GNRHR: variants seen among roughly 807,000 people sequenced by gnomAD.
GNRHR encodes the protein gonadotropin releasing hormone receptor, also known as gonadotropin-releasing hormone receptor.
In GNRHR, 14 loss-of-function variants were observed where a neutral mutation model predicts 28.1. The observed-to-expected ratio is 0.50, with a 90% CI of 0.33 to 0.78. GNRHR has a LOEUF of 0.78. GNRHR is among the 30% of genes least tolerant of loss of function. The pLI is 0.02. For missense variants in GNRHR, 366 were observed against 382.1 expected (o/e 0.96, Z 0.35); for synonymous variants, 141 against 140.5 (o/e 1.00, Z -0.02).
chr4:67,740,856 T>C lies in GNRHR; in HGVS notation c.743-132A>G, dbSNP rs559469594. ...AAATTTCCATTATTTTAAATAATAA[T>C]AATTTGTTTGAAAAGCATGTTTTAA... On this transcript the variant is annotated intron_variant, in intron 2 of 2. Transcript: ENST00000226413. The C allele has an allele frequency of 2.9e-3, 2,060 of 698,768 alleles. 9 individuals are homozygous for C. Among genetic ancestry groups the C allele is most frequent in the Non-Finnish European group, 4.3e-3 (1,716 of 397,212 alleles). The allele number at this position is 698,768 out of a possible 1,614,324, so 43.3% of individuals were successfully genotyped here. A position where few individuals can be genotyped will look rare whatever the true frequency, so the allele number is the denominator to read the frequency against.
intron 2 of GNRHR, among the ~76,000 whole-genome samples, chr4:67,744,115 C>G (rs1264679080): frequency 6.6e-6 from 1 of 152,102 alleles, no homozygotes; most frequent in Non-Finnish European, 1.5e-5. Context: ...CAATATTTCG[C>G]ATATTAACAT....
At chr4:67,748,192 A>G (rs12513347) in intron 1 of GNRHR, among the ~76,000 whole-genome samples, 4,303 of 152,082 alleles carry the variant, frequency 0.028, 106 homozygotes, top group East Asian at 0.1. Context: ...TATCTTTAAC[A>G]CTCACCTTAC....
chr4:67,737,226 C>T lies in GNRHR; in HGVS notation c.*3254G>A, dbSNP rs576683532. Reference sequence around the variant, plus strand: ...CACAAGGAAGAAATTTTTAAGAAATCATGCAGATAACTATATTAACAGTTT... The same window carrying T: ...CACAAGGAAGAAATTTTTAAGAAATTATGCAGATAACTATATTAACAGTTT... On this transcript the variant is annotated 3_prime_UTR_variant, in exon 3 of 3. Coordinates refer to ENST00000226413, the MANE Select transcript of GNRHR (RefSeq NM_000406.3). Among the ~76,000 whole-genome samples the T allele has an allele frequency of 6.6e-6, 1 of 152,086 alleles. No individual in the cohort carries two copies. The highest frequency in any genetic ancestry group is 1.5e-5 in the Non-Finnish European group (1 of 67,902).
rs1038426 is a variant in GNRHR at position 67,737,817 on chromosome 4, C to A, written c.*2663G>T. On this transcript the variant is annotated 3_prime_UTR_variant, in exon 3 of 3. Coordinates refer to ENST00000226413, the MANE Select transcript of GNRHR (RefSeq NM_000406.3). ...GGAAGAGAAACCAAGATAGAATCTC[C>A]AATATCTGATATATTAGATTGACTC... 0.39 allele frequency among the ~76,000 whole-genome samples: 58,386 copies of A among 151,446 alleles called. 11,360 individuals carry two copies. The highest frequency in any genetic ancestry group is 0.52 in the Middle Eastern group (147 of 282).
At chr4:67,746,713 C>T (rs1316060328) in intron 1 of GNRHR, among the ~76,000 whole-genome samples, 1 of 151,518 alleles carries the variant, frequency 6.6e-6, no homozygotes, top group South Asian at 2.1e-4. Context: ...CAACAAAAAA[C>T]ACTATTAAAT....
intron 1 of GNRHR, among the ~76,000 whole-genome samples, chr4:67,745,388 G>C (rs1034800593): frequency 2.0e-5 from 3 of 151,792 alleles, no homozygotes. Context: ...AAAAGAAACT[G>C]ATCTAAAAGA....
At chr4:67,748,726 AAAATAAAT>A (rs1553913887) in intron 1 of GNRHR, among the ~76,000 whole-genome samples, 27 of 147,946 alleles carry the variant, frequency 1.8e-4, no homozygotes, top group Non-Finnish European at 3.6e-4. Flanking sequence ...TAATAATAAT[AAAATAAAT>A]AAATAAATAA....
chr4:67,740,464 T>C lies in GNRHR; in HGVS notation c.*16A>G. The C allele has an allele frequency of 6.3e-7, 1 of 1,578,608 alleles. No homozygotes were observed. Among genetic ancestry groups the C allele is most frequent in the Non-Finnish European group, 8.7e-7 (1 of 1,147,916 alleles). On this transcript the variant is annotated 3_prime_UTR_variant, in exon 3 of 3. Transcript: ENST00000226413. ...ACCTTACCCTTCTTCATATGACTTC[T>C]TGTGTAGTCTATCAATCACAGAGAA...
Position 67,744,692 on chromosome 4 carries a change from C to T in GNRHR, c.618G>A (p.Trp206Ter), listed in dbSNP as rs1731724104. ...TGAAAAAGTTATAAAATGCTTGATG[C>T]CACCATTGTGAAAAACTGCAGTGTG... The part of the protein sequence containing the change: ...CVTHCSFSQW[W>*]HQAFYNFFTF... The change falls in exon 2 of 3, where the codon TGG becomes TGA. Residue 206 changes from tryptophan to a stop codon, truncating the protein, a stop_gained. Coordinates refer to ENST00000226413, the MANE Select transcript of GNRHR (RefSeq NM_000406.3). LOFTEE classifies it high-confidence loss of function. 1.2e-6 allele frequency: 2 copies of T among 1,611,222 alleles called. No individual in the cohort carries two copies. The highest frequency in any genetic ancestry group is 4.5e-5 in the East Asian group (2 of 44,856).
At chr4:67,751,572 T>A (rs1324685216) in intron 1 of GNRHR, 3 of 152,230 alleles carry the variant, frequency 2.0e-5, no homozygotes. Context: ...AGTTCCTATT[T>A]TCTTTTTGCT....
At chr4:67,743,208 T>C (rs1209952453) in intron 2 of GNRHR, among the ~76,000 whole-genome samples, 2 of 152,168 alleles carry the variant, frequency 1.3e-5, no homozygotes, top group Non-Finnish European at 2.9e-5. Flanking sequence ...TGCTTCGGCC[T>C]CCCAAAGTGC....
At chr4:67,750,647 C>CA (rs1731849041) in intron 1 of GNRHR, among the ~76,000 whole-genome samples, 1 of 151,192 alleles carries the variant, frequency 6.6e-6, no homozygotes, top group Non-Finnish European at 1.5e-5. Flanking sequence ...TGAGCTGAGG[C>CA]AAAATGTCAT....
At chr4:67,745,095 T>C (rs539720864) in intron 1 of GNRHR, among the ~76,000 whole-genome samples, 1 of 152,300 alleles carries the variant, frequency 6.6e-6, no homozygotes, top group South Asian at 2.1e-4. Context: ...GAGTAAACTT[T>C]TTGCAAGTGA....
In GNRHR at chr4:67,740,664, A is replaced by G. The variant is rs373245608; in HGVS notation, c.803T>C (p.Met268Thr). ...AAATGAAGTGGCAAATGCAACCGTC[A>G]TTTTTAGAGTCTTCAGCCGTGCTCT... The part of the protein sequence containing the change: ...IPRARLKTLK[M>T]TVAFATSFTV... Residue 268 changes from methionine to threonine, a missense_variant, in exon 3 of 3, where the codon ATG (methionine) becomes ACG (threonine). Transcript: ENST00000226413. 1.0e-5 allele frequency: 16 copies of G among 1,606,048 alleles called. No homozygotes were observed. The African/African-American group carries it at 1.2e-4, about 12-fold the overall frequency.
Position 67,740,562 on chromosome 4 carries a change from T to G in GNRHR, c.905A>C (p.Asp302Ala), listed in dbSNP as rs1311724592. The G allele has an allele frequency of 6.2e-7, 1 of 1,608,282 alleles. No homozygotes were observed. Among genetic ancestry groups the G allele is most frequent in the Non-Finnish European group, 8.5e-7 (1 of 1,174,806 alleles). The part of the protein sequence containing the change: ...FDPEMLNRLS[D>A]PVNHFFFLFA... ...GAGAAAGAAGAAGTGATTTACTGGGTCTGACAACCTGTTTAACATTTCAGG... is the reference window on the plus strand; with the variant it reads ...GAGAAAGAAGAAGTGATTTACTGGGGCTGACAACCTGTTTAACATTTCAGG... The change falls in exon 3 of 3, where the codon GAC (aspartate) becomes GCC (alanine). Residue 302 changes from aspartate (D) to alanine (A), a missense_variant. Asp to Ala is a moderately radical substitution (Grantham distance 126, BLOSUM62 -2). Transcript: ENST00000226413.
intron 1 of GNRHR, among the ~76,000 whole-genome samples, chr4:67,751,358 T>C (rs1379672359): frequency 6.6e-6 from 1 of 152,190 alleles, no homozygotes; most frequent in Non-Finnish European, 1.5e-5. Flanking sequence ...CTTATAGAGT[T>C]AACGTAAATA....
In GNRHR at chr4:67,739,400, T is replaced by C. The variant is rs577290157; in HGVS notation, c.*1080A>G. On this transcript the variant is annotated 3_prime_UTR_variant, in exon 3 of 3. Coordinates refer to ENST00000226413, the MANE Select transcript of GNRHR (RefSeq NM_000406.3). ...GAAATAAAAACATTACATGGAAATA[T>C]AGTGTTGTGCATAGACTGCAGGTTA... 6.6e-6 allele frequency: 1 copy of C among 152,080 alleles called. No homozygotes were observed. Among genetic ancestry groups the C allele is most frequent in the East Asian group, 1.9e-4 (1 of 5,176 alleles). 9.4% of individuals were successfully genotyped at this position (152,080 alleles called of 1,614,324 possible).
At chr4:67,751,860 A>G (rs1193288879) in intron 1 of GNRHR, 1 of 152,114 alleles carries the variant, frequency 6.6e-6, no homozygotes, top group Non-Finnish European at 1.5e-5. Flanking sequence ...TCATGTCCTA[A>G]AGCAAATGAT....
At chr4:67,742,566 A>C (rs1731679709) in intron 2 of GNRHR, among the ~76,000 whole-genome samples, 1 of 152,202 alleles carries the variant, frequency 6.6e-6, no homozygotes, top group Admixed American at 6.5e-5. Context: ...GGAATTGCTG[A>C]CTTTTTACAG....
Sources: gnomAD v4.1 joint callset for allele counts (sites outside exome capture counted in the v4.1 genomes callset) on GRCh38, gnomAD v4.1.1 for gene constraint, MANE v1.5 for transcripts, NCBI Gene and HGNC (gene_info 2026-07-23, HGNC 2026-07-21) for gene names.